ARAP2: variants seen among roughly 807,000 people sequenced by gnomAD.
ARAP2 encodes the protein ArfGAP with RhoGAP domain, ankyrin repeat and PH domain 2, also known as arf-GAP with Rho-GAP domain, ANK repeat and PH domain-containing protein 2.
ARAP2 carries 148 observed loss-of-function variants against 194.5 expected under a neutral mutation model. The observed-to-expected ratio is 0.76, with a 90% CI of 0.67 to 0.87. The LOEUF (loss-of-function observed/expected upper bound fraction) is 0.87, where lower values mean the gene tolerates loss of function less well. ARAP2 is among the 40% of genes least tolerant of loss of function. The probability of loss-of-function intolerance (pLI) is 0.00; values close to 1 mark genes in which losing one functional copy is unlikely to be tolerated. For synonymous variants in ARAP2, 695 were observed against 683.5 expected (o/e 1.02, Z -0.26); for missense variants, 2,128 against 1,989.7 (o/e 1.07, Z -1.32).
chr4:36,065,922 AAAAAG>A (rs1395751610), downstream of ARAP2: 1 of 152,250 alleles, frequency 6.6e-6, no homozygotes, highest in Non-Finnish European at 1.5e-5. Flanking sequence ...AAATTTTTTT[AAAAAG>A]AAAAGAAAGC....
At chr4:36,243,446 T>C (rs1753968787) in intron 1 of ARAP2, among the ~76,000 whole-genome samples, 1 of 146,856 alleles carries the variant, frequency 6.8e-6, no homozygotes, top group Admixed American at 6.8e-5. Flanking sequence ...CACCCTAAGA[T>C]GTCATTATTC....
chr4:36,121,292 C>T lies in ARAP2; in HGVS notation c.3781G>A (p.Ala1261Thr). The change falls in exon 23 of 33, where the codon GCC (alanine) becomes ACC (threonine). Residue 1261 changes from alanine (A) to threonine (T), a missense_variant. Transcript: ENST00000303965. Reference sequence around the variant, plus strand: ...GAAAAGACCAAGGCCAAATTATGGGCATTCATGTGATTGATTTCTGAGCAT... The same window carrying T: ...GAAAAGACCAAGGCCAAATTATGGGTATTCATGTGATTGATTTCTGAGCAT... ...QKCSEINHMN[A>T]HNLALVFSSC... 1 of 1,601,856 alleles carries T rather than the reference C, an allele frequency of 6.2e-7. No homozygotes were observed. Among genetic ancestry groups the T allele is most frequent in the Non-Finnish European group, 8.5e-7 (1 of 1,173,138 alleles).
chr4:36,148,534 C>T (rs1730184827), intron 16 of ARAP2, 27 bp from the exon 17 acceptor site: 1 of 1,518,646 alleles, frequency 6.6e-7, no homozygotes, highest in African/African-American at 1.4e-5. Context: ...TAAAAAGATA[C>T]TACCAGTTAT....
intron 9 of ARAP2, among the ~76,000 whole-genome samples, chr4:36,169,680 C>T (rs1736150939): frequency 6.6e-6 from 1 of 152,076 alleles, no homozygotes; most frequent in African/African-American, 2.4e-5. Context: ...TACAGGTGTG[C>T]ACCACCAGGC....
chr4:36,158,919 T>G, intron 14 of ARAP2, 55 bp from the exon 15 acceptor site: 1 of 1,512,452 alleles, frequency 6.6e-7, no homozygotes, highest in African/African-American at 1.4e-5. Context: ...ACAATTTTCC[T>G]TTTGTTTATA....
intron 1 of ARAP2, among the ~76,000 whole-genome samples, chr4:36,234,929 A>G (rs80159701): frequency 0.02 from 3,069 of 152,320 alleles, 62 homozygotes; most frequent in African/African-American, 0.049. Context: ...TTGGCATTAC[A>G]GACATGGCTG....
chr4:36,162,604 CTTT>C (rs3055949), intron 11 of ARAP2, among the ~76,000 whole-genome samples: 1 of 142,576 alleles, frequency 7.0e-6, no homozygotes, highest in African/African-American at 2.6e-5. Flanking sequence ...AAGTTCTTGT[CTTT>C]TTTTTTTTTT....
At chr4:36,038,704 G>A (rs1029264104) in intron 5 of ARAP2, among the ~76,000 whole-genome samples, 3 of 152,134 alleles carry the variant, frequency 2.0e-5, no homozygotes, top group Non-Finnish European at 4.4e-5. Context: ...AACACCATAA[G>A]GAAAATGTGT....
chr4:36,219,241 C>T (rs1748654297), intron 2 of ARAP2, among the ~76,000 whole-genome samples: 1 of 152,182 alleles, frequency 6.6e-6, no homozygotes, highest in African/African-American at 2.4e-5. Context: ...AACGGCCATG[C>T]ATACAAATAT....
chr4:36,213,474 T>C (rs1578298849), intron 3 of ARAP2, among the ~76,000 whole-genome samples, 155 bp from the exon 4 acceptor site: 1 of 152,134 alleles, frequency 6.6e-6, no homozygotes, highest in Non-Finnish European at 1.5e-5. Context: ...TATCCCCAAA[T>C]CAATTCTCCC....
At chr4:36,228,556 T>C in intron 2 of ARAP2, 26 bp downstream of exon 2, 1 of 1,536,926 alleles carries the variant, frequency 6.5e-7, no homozygotes, top group Non-Finnish European at 8.7e-7. Context: ...AATTGAATAT[T>C]TACAGCTTAT....
At chr4:36,014,527 AT>A (rs373911393) in intron 8 of ARAP2, among the ~76,000 whole-genome samples, 139 of 152,282 alleles carry the variant, frequency 9.1e-4, no homozygotes, top group African/African-American at 3.2e-3. Context: ...TCTGTATAAA[AT>A]TCATACAATT....
chr4:36,216,805 A>T (rs1216283928), intron 2 of ARAP2, among the ~76,000 whole-genome samples: 3 of 152,262 alleles, frequency 2.0e-5, no homozygotes, highest in South Asian at 4.1e-4. Context: ...AAGAAGCAAG[A>T]CATAAGAAAT....
chr4:36,172,342 T>C (rs963062214), intron 9 of ARAP2, among the ~76,000 whole-genome samples: 2 of 152,278 alleles, frequency 1.3e-5, no homozygotes, highest in African/African-American at 4.8e-5. Flanking sequence ...TTTATGAAAA[T>C]AGTCAGGTCT....
At chr4:36,155,423 A>G (rs1732022600) in intron 15 of ARAP2, among the ~76,000 whole-genome samples, 2 of 152,150 alleles carry the variant, frequency 1.3e-5, no homozygotes, top group Admixed American at 1.3e-4. Flanking sequence ...ATTCCTGAAT[A>G]AGAAGAAGGA....
In ARAP2 at chr4:36,083,449, C is replaced by A. The variant is rs1182452663; in HGVS notation, c.4427G>T (p.Ser1476Ile). Residue 1476 changes from serine (S) to isoleucine (I), a missense_variant and splice_region_variant, in exon 29 of 33, where the codon AGT becomes ATT. Transcript: ENST00000303965. ...GFLFLYKDVK[S>I]SKHDKMFSLS... is the part of the protein sequence containing the mutation. ...AGAAAACATCTTGTCATGTTTACTA[C>A]TCTGTAAGGTAAAAAAATAATTTGT... 1.9e-6 allele frequency: 3 copies of A among 1,574,716 alleles called. No individual in the cohort carries two copies. Among genetic ancestry groups the A allele is most frequent in the African/African-American group, 1.4e-5 (1 of 73,034 alleles).
chr4:36,228,697 T>C lies in ARAP2; in HGVS notation c.790A>G (p.Ile264Val), dbSNP rs749225986. 1.2e-6 allele frequency: 2 copies of C among 1,614,058 alleles called. No individual in the cohort carries two copies. Among genetic ancestry groups the C allele is most frequent in the Non-Finnish European group, 1.7e-6 (2 of 1,179,978 alleles). Residue 264 changes from isoleucine to valine, a missense_variant, in exon 2 of 33, where the codon ATC (isoleucine) becomes GTC (valine). Physicochemically the swap from Ile to Val is conservative, Grantham distance 29. Coordinates refer to ENST00000303965, the MANE Select transcript of ARAP2 (RefSeq NM_015230.4). The stretch of plus-strand genomic sequence containing the variant: ...CTACGACTTCTCACAGGTGCTAGGA[T>C]TGGTGATGATGGAACATACAAGTCA... ...VNDLYVPSSP[I>V]LAPVRSRSKL...
At chr4:36,240,460 C>CT (rs1438481188) in intron 1 of ARAP2, among the ~76,000 whole-genome samples, 1 of 152,170 alleles carries the variant, frequency 6.6e-6, no homozygotes, top group Non-Finnish European at 1.5e-5. Flanking sequence ...GACTTAACAC[C>CT]TGGGACACAA....
chr4:36,068,405 T>C (rs987642584), intron 32 of ARAP2, 127 bp from the exon 33 acceptor site: 3 of 1,002,412 alleles, frequency 3.0e-6, no homozygotes, highest in Non-Finnish European at 4.1e-6. Context: ...AGGTCCTAAC[T>C]TTACTTCGAT....
Sources: gnomAD v4.1 joint callset for allele counts (sites outside exome capture counted in the v4.1 genomes callset) on GRCh38, gnomAD v4.1.1 for gene constraint, MANE v1.5 for transcripts, NCBI Gene and HGNC (gene_info 2026-07-23, HGNC 2026-07-21) for gene names.